The following PCDHA12 variants were observed in gnomAD, a reference collection of about 807,000 sequenced individuals.
The protein encoded by PCDHA12 is protocadherin alpha 12, also known as protocadherin alpha-12.
A neutral mutation model predicts 60.0 loss-of-function variants in PCDHA12; 44 were observed. The ratio of observed to expected loss-of-function variants is 0.73; its 90% CI spans 0.58 to 0.94. PCDHA12 has a LOEUF of 0.94. Among genes scored for constraint, PCDHA12 ranks in the 40% least tolerant of loss-of-function variants. The pLI, the probability that PCDHA12 is intolerant of heterozygous loss-of-function variation, is 0.00. For synonymous variants in PCDHA12, 569 were observed against 553.0 expected (o/e 1.03, Z -0.40); for missense variants, 1,276 against 1,239.7 (o/e 1.03, Z -0.44).
intron 1 of PCDHA12, among the ~76,000 whole-genome samples, chr5:140,915,155 G>T (rs941034401): frequency 1.3e-5 from 2 of 151,934 alleles, no homozygotes; most frequent in Non-Finnish European, 2.9e-5. Flanking sequence ...CACCATGTTG[G>T]CCAGGATAGT....
At chr5:140,917,281 T>A (rs1354421886) in intron 1 of PCDHA12, among the ~76,000 whole-genome samples, 1 of 151,298 alleles carries the variant, frequency 6.6e-6, no homozygotes, top group Admixed American at 6.6e-5. Context: ...GTAATGACGC[T>A]TTTCCGTGTG....
chr5:140,906,192 C>G (rs2072444836), intron 1 of PCDHA12, among the ~76,000 whole-genome samples: 1 of 152,182 alleles, frequency 6.6e-6, no homozygotes, highest in Non-Finnish European at 1.5e-5. Context: ...TCAATCCAAT[C>G]AAGTTGACAC....
At chr5:140,908,493 G>A (rs545927854) in intron 1 of PCDHA12, among the ~76,000 whole-genome samples, 1 of 152,152 alleles carries the variant, frequency 6.6e-6, no homozygotes, top group African/African-American at 2.4e-5. Flanking sequence ...AGTTCAGGTT[G>A]CTTGGTGACT....
chr5:140,971,843 G>T (rs1250084892), intron 1 of PCDHA12, among the ~76,000 whole-genome samples: 2 of 151,906 alleles, frequency 1.3e-5, no homozygotes, highest in Non-Finnish European at 2.9e-5. Flanking sequence ...TGCAAGTCAT[G>T]CGTTAAATAT....
intron 1 of PCDHA12, among the ~76,000 whole-genome samples, chr5:140,945,222 A>T (rs1019202574): frequency 4.6e-5 from 7 of 152,260 alleles, no homozygotes; most frequent in Middle Eastern, 6.8e-3. Context: ...AAATAAAAAT[A>T]CTTAGGAATA....
At chr5:140,946,191 CAAAAG>C (rs2093900144) in intron 1 of PCDHA12, among the ~76,000 whole-genome samples, 1 of 151,950 alleles carries the variant, frequency 6.6e-6, no homozygotes, top group Non-Finnish European at 1.5e-5. Flanking sequence ...AGACATTTCT[CAAAAG>C]AAAGCACACA....
intron 1 of PCDHA12, chr5:140,884,308 G>C: frequency 6.2e-7 from 1 of 1,613,766 alleles, no homozygotes; most frequent in Non-Finnish European, 8.5e-7. Flanking sequence ...AGGCTTCGTC[G>C]AGGGCGTCGG....
chr5:141,008,786 T>C (rs2098390952), intron 3 of PCDHA12, among the ~76,000 whole-genome samples: 1 of 152,212 alleles, frequency 6.6e-6, no homozygotes, highest in South Asian at 2.1e-4. Context: ...TGGCTCCCAG[T>C]GTTTTATCTA....
At chr5:140,897,785 A>G (rs1246213890) in intron 1 of PCDHA12, among the ~76,000 whole-genome samples, 1 of 152,148 alleles carries the variant, frequency 6.6e-6, no homozygotes, top group Non-Finnish European at 1.5e-5. Context: ...CAATGGTTGA[A>G]CTAGTTTAGA....
At chr5:140,945,190 G>A (rs1372387920) in intron 1 of PCDHA12, among the ~76,000 whole-genome samples, 1 of 152,000 alleles carries the variant, frequency 6.6e-6, no homozygotes, top group Non-Finnish European at 1.5e-5. Flanking sequence ...AGAAAACCAT[G>A]CTATTTACAA....
chr5:140,904,225 T>A (rs782022279), intron 1 of PCDHA12, among the ~76,000 whole-genome samples: 5 of 152,020 alleles, frequency 3.3e-5, no homozygotes, highest in Non-Finnish European at 5.9e-5. Context: ...CATTGTATTA[T>A]ACTTATGCCT....
At chr5:140,950,237 ATTTG>A (rs782102459) in intron 1 of PCDHA12, among the ~76,000 whole-genome samples, 1 of 151,954 alleles carries the variant, frequency 6.6e-6, no homozygotes, top group Non-Finnish European at 1.5e-5. Flanking sequence ...AGTGCCATTA[ATTTG>A]TTCCTAAAGA....
chr5:140,898,632 C>T (rs2066885282), intron 1 of PCDHA12, among the ~76,000 whole-genome samples: 1 of 152,158 alleles, frequency 6.6e-6, no homozygotes, highest in Non-Finnish European at 1.5e-5. Flanking sequence ...ATAATGCCTC[C>T]AGCTTTGTTC....
chr5:140,899,848 C>T (rs2067590475), intron 1 of PCDHA12, among the ~76,000 whole-genome samples: 1 of 152,178 alleles, frequency 6.6e-6, no homozygotes, highest in Non-Finnish European at 1.5e-5. Flanking sequence ...TGCTGTGTCA[C>T]CCAGGCTGGA....
At position 140,993,185 on chromosome 5, in the gene PCDHA12, G is replaced by A. The variant is rs1393686590; in HGVS notation, c.2515+10622G>A. Among the ~76,000 whole-genome samples, 5 of 152,162 alleles carry A rather than the reference G, an allele frequency of 3.3e-5. No homozygotes were observed. The South Asian group carries it at 8.3e-4, about 25-fold the overall frequency. The stretch of plus-strand genomic sequence containing the variant: ...TTGCCTTTGGGAAATTTCTTTAGAG[G>A]GAAACTCACTAAAGCTAATTTTTTT... On this transcript the variant is annotated intron_variant, in intron 3 of 3. Transcript: ENST00000398631.
At chr5:140,998,906 AG>A (rs1267220398) in intron 3 of PCDHA12, among the ~76,000 whole-genome samples, 10 of 152,208 alleles carry the variant, frequency 6.6e-5, no homozygotes, top group Non-Finnish European at 1.5e-5. Context: ...TGCCTCCGGG[AG>A]GTAGCTATTA....
At position 140,877,398 on chromosome 5, in the gene PCDHA12, T is replaced by C; in HGVS notation, c.1926T>C (p.Ala642=). ...STTRILDEAD[A]PRHRLLVLVK... ...CACGCATCCTGGATGAGGCGGACGC[T>C]CCGCGCCACCGCCTGCTGGTGCTGG... The change falls in exon 1 of 4, where the codon GCT becomes GCC. Residue 642 remains alanine (A), a synonymous_variant. Coordinates refer to ENST00000398631, the MANE Select transcript of PCDHA12 (RefSeq NM_018903.4). 1.2e-6 allele frequency: 2 copies of C among 1,613,870 alleles called. No homozygotes were observed. The highest frequency in any genetic ancestry group is 1.6e-4 in the Middle Eastern group (1 of 6,062).
At chr5:140,928,277 C>A (rs2085098556) in intron 1 of PCDHA12, 2 of 1,614,156 alleles carry the variant, frequency 1.2e-6, no homozygotes, top group South Asian at 2.2e-5. Context: ...GGCCCTGGGG[C>A]CTCTCTAGGC....
chr5:140,937,567 G>A lies in PCDHA12; in HGVS notation c.2368-41382G>A, dbSNP rs1218260457. On this transcript the variant is annotated intron_variant, in intron 1 of 3. Transcript: ENST00000398631. ...GCGAGGCAGAGGTTGCAGTGAGCTG[G>A]GATCGCGTCACTGCACTCTAGCCTG... 1.9e-3 allele frequency among the ~76,000 whole-genome samples: 288 copies of A among 150,684 alleles called. 1 individual carries two copies. Among genetic ancestry groups the A allele is most frequent in the African/African-American group, 6.8e-3 (278 of 40,792 alleles).
Sources: allele counts gnomAD v4.1 joint callset (sites outside exome capture counted in the v4.1 genomes callset), GRCh38; gene constraint gnomAD v4.1.1; transcripts MANE v1.5; gene names NCBI Gene and HGNC (gene_info 2026-07-23, HGNC 2026-07-21).